The following CPPED1 variants were observed in gnomAD, a reference collection of about 807,000 sequenced individuals.
CPPED1 encodes serine/threonine-protein phosphatase CPPED1.
CPPED1 carries 28 observed loss-of-function variants against 28.0 expected under a neutral mutation model. That is an observed-to-expected ratio of 1.00 (90% CI 0.74 to 1.37). The LOEUF (loss-of-function observed/expected upper bound fraction) is 1.37, where lower values mean the gene tolerates loss of function less well. Ranked by LOEUF, CPPED1 falls within the 40% of genes most tolerant of loss-of-function variation. CPPED1 has a pLI of 0.00. For missense variants in CPPED1, 504 were observed against 416.5 expected (o/e 1.21, Z -1.83); for synonymous variants, 198 against 180.2 (o/e 1.10, Z -0.79).
chr16:12,798,021 T>C (rs1005580772), intron 1 of CPPED1, among the ~76,000 whole-genome samples: 1 of 152,086 alleles, frequency 6.6e-6, no homozygotes, highest in Non-Finnish European at 1.5e-5. Flanking sequence ...AGGTTGAGGC[T>C]GCAAATCAGC....
At chr16:12,704,361 T>C (rs1362954268) in intron 3 of CPPED1, among the ~76,000 whole-genome samples, 1 of 152,202 alleles carries the variant, frequency 6.6e-6, no homozygotes, top group Non-Finnish European at 1.5e-5. Context: ...TCTCCATGTC[T>C]TGGAGGCCTT....
Position 12,731,278 on chromosome 16 carries a change from C to T in CPPED1, c.290-26229G>A, listed in dbSNP as rs531490226. Among the ~76,000 whole-genome samples, 755 of 151,502 alleles carry T rather than the reference C, an allele frequency of 5.0e-3. 7 individuals carry two copies. Among genetic ancestry groups the T allele is most frequent in the Non-Finnish European group, 6.3e-3 (425 of 67,834 alleles). The stretch of plus-strand genomic sequence containing the variant: ...ATGCCATTCCCCTGCCTCAGCCTCC[C>T]GAGTAGCTGGGACCACAGGCACCCG... On this transcript the variant is annotated intron_variant, in intron 2 of 3. Transcript: ENST00000381774.
chr16:12,762,409 A>G (rs2080414915), intron 2 of CPPED1, among the ~76,000 whole-genome samples: 1 of 152,240 alleles, frequency 6.6e-6, no homozygotes, highest in Middle Eastern at 3.2e-3. Context: ...ATCTGAATAA[A>G]GTGATTCAAA....
chr16:12,669,589 G>A (rs904274226), intron 3 of CPPED1, among the ~76,000 whole-genome samples: 4 of 152,174 alleles, frequency 2.6e-5, no homozygotes, highest in Non-Finnish European at 5.9e-5. Flanking sequence ...GGTAATTCAT[G>A]TTTAGCTTAA....
At chr16:12,756,535 A>G (rs2080370039) in intron 2 of CPPED1, among the ~76,000 whole-genome samples, 1 of 152,112 alleles carries the variant, frequency 6.6e-6, no homozygotes, top group Admixed American at 6.5e-5. Context: ...TACTAAAAAT[A>G]CAAAAAAATT....
At chr16:12,763,479 C>G (rs2080421769) in intron 2 of CPPED1, among the ~76,000 whole-genome samples, 1 of 152,148 alleles carries the variant, frequency 6.6e-6, no homozygotes, top group Non-Finnish European at 1.5e-5. Flanking sequence ...GGAATTCAAT[C>G]TCAATAGAGT....
chr16:12,722,497 G>A (rs1567286540), intron 2 of CPPED1, among the ~76,000 whole-genome samples: 1 of 152,204 alleles, frequency 6.6e-6, no homozygotes, highest in Non-Finnish European at 1.5e-5. Flanking sequence ...CAGCACTTTG[G>A]GAGGCCAAGG....
chr16:12,680,419 G>A (rs529834754), intron 3 of CPPED1, among the ~76,000 whole-genome samples: 1 of 152,066 alleles, frequency 6.6e-6, no homozygotes, highest in Admixed American at 6.6e-5. Flanking sequence ...GTAAAATCTA[G>A]GTTGCCGGAT....
chr16:12,789,732 G>A (rs1197053979), intron 1 of CPPED1, among the ~76,000 whole-genome samples: 1 of 152,068 alleles, frequency 6.6e-6, no homozygotes, highest in Non-Finnish European at 1.5e-5. Context: ...TTACCATGTT[G>A]CCCAGGCTGG....
intron 2 of CPPED1, among the ~76,000 whole-genome samples, chr16:12,744,222 G>C (rs1448351964): frequency 6.6e-6 from 1 of 151,912 alleles, no homozygotes; most frequent in African/African-American, 2.4e-5. Flanking sequence ...CTTGCAGTGA[G>C]ATTGTGCCAC....
At chr16:12,706,631 C>A (rs2080052588) in intron 2 of CPPED1, among the ~76,000 whole-genome samples, 1 of 151,650 alleles carries the variant, frequency 6.6e-6, no homozygotes, top group Admixed American at 6.6e-5. Flanking sequence ...AGGAAGCCAG[C>A]CAGGTGGCTG....
chr16:12,790,098 TCA>T (rs1243140669), intron 1 of CPPED1, among the ~76,000 whole-genome samples: 9 of 152,190 alleles, frequency 5.9e-5, no homozygotes, highest in Non-Finnish European at 1.3e-4. Context: ...GCAATTGCAC[TCA>T]GAGAAGAATC....
intron 1 of CPPED1, among the ~76,000 whole-genome samples, chr16:12,800,175 G>C (rs1216840753): frequency 6.6e-6 from 1 of 152,096 alleles, no homozygotes; most frequent in Non-Finnish European, 1.5e-5. Flanking sequence ...GGCCAAGTGC[G>C]GTGGCTCATG....
chr16:12,691,761 G>A (rs1004476078), intron 3 of CPPED1, among the ~76,000 whole-genome samples: 6 of 142,566 alleles, frequency 4.2e-5, no homozygotes, highest in African/African-American at 1.6e-4. Flanking sequence ...GAATTGAACA[G>A]TGAGAACACA....
At chr16:12,691,008 A>G (rs888979857) in intron 3 of CPPED1, among the ~76,000 whole-genome samples, 3 of 152,204 alleles carry the variant, frequency 2.0e-5, no homozygotes, top group African/African-American at 7.2e-5. Flanking sequence ...TCTACTTGCC[A>G]TCAGCACCCG....
At chr16:12,705,092 T>C (rs373392650) in intron 2 of CPPED1, 43 bp from the exon 3 acceptor site, 353 of 1,538,062 alleles carry the variant, frequency 2.3e-4, no homozygotes, top group Non-Finnish European at 3.0e-4. Flanking sequence ...CAGGGGCTTA[T>C]TCACTTGAAA....
At chr16:12,764,995 C>T (rs776583106) in intron 2 of CPPED1, among the ~76,000 whole-genome samples, 3 of 152,200 alleles carry the variant, frequency 2.0e-5, no homozygotes, top group Non-Finnish European at 2.9e-5. Context: ...AAGAGTGTCA[C>T]GCTGTAAACC....
intron 3 of CPPED1, among the ~76,000 whole-genome samples, chr16:12,681,362 G>C (rs1031338640): frequency 1.3e-5 from 2 of 152,004 alleles, no homozygotes; most frequent in African/African-American, 2.4e-5. Flanking sequence ...TCTTGCCAGG[G>C]ATGCCCCAAC....
intron 3 of CPPED1, among the ~76,000 whole-genome samples, chr16:12,669,075 A>G (rs1371102481): frequency 6.6e-6 from 1 of 152,230 alleles, no homozygotes; most frequent in Non-Finnish European, 1.5e-5. Context: ...TACGGAAGCA[A>G]CCTAAATGTC....
Sources: allele counts gnomAD v4.1 joint callset (sites outside exome capture counted in the v4.1 genomes callset), GRCh38; gene constraint gnomAD v4.1.1; transcripts MANE v1.5; gene names NCBI Gene and HGNC (gene_info 2026-07-23, HGNC 2026-07-21).